Variants in RALY observed in about 807,000 individuals in gnomAD.
RALY encodes the protein RNA-binding protein Raly.
In RALY, 15 loss-of-function variants were observed where a neutral mutation model predicts 30.7. The observed-to-expected ratio is 0.49, with a 90% CI of 0.33 to 0.75. The LOEUF (loss-of-function observed/expected upper bound fraction) is 0.75. Among genes scored for constraint, RALY ranks in the 30% least tolerant of loss-of-function variants. The pLI, the probability that RALY is intolerant of heterozygous loss-of-function variation, is 0.02. For synonymous variants in RALY, 177 were observed against 170.8 expected (o/e 1.04, Z -0.28); for missense variants, 339 against 414.3 (o/e 0.82, Z 1.58).
At chr20:34,033,721 C>T (rs575508906) in intron 2 of RALY, among the ~76,000 whole-genome samples, 1 of 152,298 alleles carries the variant, frequency 6.6e-6, no homozygotes, top group South Asian at 2.1e-4. Context: ...GATCAGATTT[C>T]AGCAAGAGGT....
intron 1 of RALY, among the ~76,000 whole-genome samples, chr20:34,026,657 G>A (rs554893528): frequency 1.4e-4 from 21 of 151,616 alleles, no homozygotes; most frequent in Non-Finnish European, 2.6e-4. Flanking sequence ...TGATCCGCCC[G>A]CCTTGGCCTC....
At chr20:34,029,863 A>C (rs1390907911) in intron 1 of RALY, 1 of 152,260 alleles carries the variant, frequency 6.6e-6, no homozygotes, top group South Asian at 2.1e-4. Context: ...GACTTGGAGC[A>C]ACTTTCATTC....
intron 2 of RALY, among the ~76,000 whole-genome samples, chr20:34,066,355 T>C (rs1392900444): frequency 2.8e-4 from 42 of 152,044 alleles, no homozygotes; most frequent in Admixed American, 2.4e-3. Flanking sequence ...GGCGGGCACC[T>C]GTAGTACCAG....
rs545801540 is a variant in RALY, at chr20:34,016,870, A to G, written c.-92-14652A>G. On this transcript the variant is annotated intron_variant, in intron 1 of 9. Transcript: ENST00000246194. Reference sequence around the variant, plus strand: ...CAGGCCCTGACCTTCTGCCAGAAGCACTGACACAGCTCCTAATTAGAAATG... The same window carrying G: ...CAGGCCCTGACCTTCTGCCAGAAGCGCTGACACAGCTCCTAATTAGAAATG... Among the ~76,000 whole-genome samples, 128 of 152,398 alleles carry G rather than the reference A, an allele frequency of 8.4e-4. 1 individual carries two copies. Among genetic ancestry groups the G allele is most frequent in the South Asian group, 2.1e-3 (10 of 4,834 alleles).
chr20:34,027,323 TCA>T (rs1417658217), intron 1 of RALY, among the ~76,000 whole-genome samples: 2 of 152,222 alleles, frequency 1.3e-5, no homozygotes, highest in African/African-American at 2.4e-5. Context: ...TCACCTGTCT[TCA>T]GTTACCTTGG....
At chr20:34,065,042 AG>A (rs1452778393) in intron 2 of RALY, 1 of 152,244 alleles carries the variant, frequency 6.6e-6, no homozygotes. Flanking sequence ...TTTAAAAAAC[AG>A]GTTCCCAGAG....
chr20:34,054,451 C>T (rs564755888), intron 2 of RALY, among the ~76,000 whole-genome samples: 9 of 152,242 alleles, frequency 5.9e-5, no homozygotes, highest in South Asian at 2.1e-4. Flanking sequence ...AAAGCTTTCC[C>T]GAAGAGTTTT....
chr20:34,002,521 T>A (rs1051436324), intron 1 of RALY, among the ~76,000 whole-genome samples: 7 of 152,204 alleles, frequency 4.6e-5, no homozygotes, highest in African/African-American at 1.7e-4. Flanking sequence ...GCTCATATAT[T>A]TGGATTGAGG....
chr20:34,025,110 T>C (rs1266263814), intron 1 of RALY, among the ~76,000 whole-genome samples: 1 of 152,190 alleles, frequency 6.6e-6, no homozygotes, highest in Non-Finnish European at 1.5e-5. Context: ...AAGTGCTGAC[T>C]CTAGCAGAAA....
At chr20:34,058,129 A>G (rs566272238) in intron 2 of RALY, among the ~76,000 whole-genome samples, 111 of 152,198 alleles carry the variant, frequency 7.3e-4, no homozygotes, top group African/African-American at 2.4e-3. Flanking sequence ...GACAATGACA[A>G]GGGGGAAAGA....
intron 1 of RALY, among the ~76,000 whole-genome samples, chr20:33,999,910 CTT>C (rs1431565352): frequency 3.3e-5 from 5 of 152,000 alleles, no homozygotes; most frequent in Non-Finnish European, 7.4e-5. Context: ...CATAAGGTCC[CTT>C]CTAGCAATTA....
At chr20:34,044,907 G>T (rs1367950327) in intron 2 of RALY, among the ~76,000 whole-genome samples, 1 of 152,132 alleles carries the variant, frequency 6.6e-6, no homozygotes, top group Non-Finnish European at 1.5e-5. Flanking sequence ...TGCCTTCATG[G>T]AACTTGTTAT....
chr20:34,077,439 A>G, intron 8 of RALY, 194 bp downstream of exon 8: 1 of 1,281,282 alleles, frequency 7.8e-7, no homozygotes, highest in Non-Finnish European at 1.1e-6. Context: ...CACCATCAGA[A>G]GTCCCACTGA....
chr20:34,078,619 C>A (rs2033961340), intron 9 of RALY, 66 bp downstream of exon 9: 1 of 1,428,960 alleles, frequency 7.0e-7, no homozygotes, highest in South Asian at 1.5e-5. Flanking sequence ...GTGCCTTTTC[C>A]CTGGATTGGG....
At chr20:34,025,185 A>G (rs1425415997) in intron 1 of RALY, among the ~76,000 whole-genome samples, 1 of 152,104 alleles carries the variant, frequency 6.6e-6, no homozygotes, top group African/African-American at 2.4e-5. Flanking sequence ...GGCTGAGATT[A>G]TCTCCCGTGG....
At chr20:33,998,451 G>A (rs966115465) in intron 1 of RALY, among the ~76,000 whole-genome samples, 2 of 152,194 alleles carry the variant, frequency 1.3e-5, no homozygotes, top group African/African-American at 2.4e-5. Context: ...AGACCATCCC[G>A]AAAGTACGTA....
At chr20:34,023,913 A>G (rs1177466027) in intron 1 of RALY, among the ~76,000 whole-genome samples, 3 of 152,210 alleles carry the variant, frequency 2.0e-5, no homozygotes, top group South Asian at 2.1e-4. Context: ...TCAAAAACCA[A>G]TGACAGGCTG....
rs570192904 is a variant in RALY at position 34,023,456 on chromosome 20, C to T, written c.-92-8066C>T. ...ATTGTTTCTACTATATGCTGCCTTC[C>T]TTACAGAGGGGTGGAGAGAGCAGCA... is the stretch of plus-strand genomic sequence containing the variant. On this transcript the variant is annotated intron_variant, in intron 1 of 9. Coordinates refer to ENST00000246194, the MANE Select transcript of RALY (RefSeq NM_016732.3). Among the ~76,000 whole-genome samples the T allele has an allele frequency of 5.9e-5, 9 of 152,202 alleles. No homozygotes were observed. In the South Asian group the frequency reaches 1.9e-3, roughly 32 times the overall value.
intron 1 of RALY, among the ~76,000 whole-genome samples, chr20:34,010,128 A>G (rs1375352126): frequency 6.6e-6 from 1 of 152,180 alleles, no homozygotes; most frequent in Non-Finnish European, 1.5e-5. Context: ...ATTTTTTGCA[A>G]TCCCTATTAT....
Sources: allele counts gnomAD v4.1 joint callset (sites outside exome capture counted in the v4.1 genomes callset), GRCh38; gene constraint gnomAD v4.1.1; transcripts MANE v1.5; gene names NCBI Gene and HGNC (gene_info 2026-07-23, HGNC 2026-07-21).